The following METTL15 variants were observed in gnomAD, a reference collection of about 807,000 sequenced individuals.
METTL15 encodes 12S rRNA N(4)-cytidine methyltransferase METTL15.
Under a neutral mutation model 38.3 loss-of-function variants are expected in METTL15, and 34 were observed. The ratio of observed to expected loss-of-function variants is 0.89; its 90% CI spans 0.68 to 1.18. The LOEUF (loss-of-function observed/expected upper bound fraction) is 1.18. METTL15 is among the 50% of genes most tolerant of loss of function. The probability of loss-of-function intolerance (pLI) is 0.00; values close to 1 mark genes in which losing one functional copy is unlikely to be tolerated. For synonymous variants in METTL15, 162 were observed against 170.9 expected (o/e 0.95, Z 0.41); for missense variants, 438 against 498.4 (o/e 0.88, Z 1.15).
intron 3 of METTL15, chr11:28,122,230 TA>T (rs1852273621): frequency 1.7e-6 from 2 of 1,178,642 alleles, no homozygotes; most frequent in African/African-American, 3.3e-5. Flanking sequence ...TTATATTTTT[TA>T]TAAAATGCTT....
At chr11:28,448,158 C>G (rs1396179932) in intron 6 of METTL15, among the ~76,000 whole-genome samples, 1 of 152,160 alleles carries the variant, frequency 6.6e-6, no homozygotes, top group Non-Finnish European at 1.5e-5. Flanking sequence ...CTCTTCTTAT[C>G]TCTGGCTGGT....
chr11:28,525,797 G>A (rs759975998), intron 6 of METTL15, among the ~76,000 whole-genome samples: 40 of 152,248 alleles, frequency 2.6e-4, no homozygotes, highest in Non-Finnish European at 5.1e-4. Context: ...CCGTGCACCC[G>A]CACTCCTCAG....
At chr11:28,231,951 A>G (rs966458503) in intron 4 of METTL15, among the ~76,000 whole-genome samples, 2 of 151,984 alleles carry the variant, frequency 1.3e-5, no homozygotes, top group East Asian at 3.9e-4. Flanking sequence ...ACTCAATATC[A>G]TATGGATGGA....
chr11:28,517,267 G>T (rs1323212410), intron 6 of METTL15: 6 of 152,118 alleles, frequency 3.9e-5, no homozygotes, highest in Non-Finnish European at 8.8e-5. Flanking sequence ...CAGCTAAGGA[G>T]AGGGAATCAC....
rs551800609 is a variant in METTL15 at position 28,151,504 on chromosome 11, G to A, written c.270+37900G>A. ...TCAACCTCCCCTTCTGCCAACATGC[G>A]TTACTTCCTACTTGATAACCATATG... On this transcript the variant is annotated intron_variant, in intron 3 of 6. Coordinates refer to ENST00000407364, the MANE Select transcript of METTL15 (RefSeq NM_001113528.2). 4.6e-5 allele frequency among the ~76,000 whole-genome samples: 7 copies of A among 151,914 alleles called. No individual in the cohort carries two copies. The East Asian group carries it at 7.7e-4, about 17-fold the overall frequency.
intron 6 of METTL15, among the ~76,000 whole-genome samples, chr11:28,513,425 T>G (rs1484726702): frequency 6.6e-6 from 1 of 152,200 alleles, no homozygotes; most frequent in Non-Finnish European, 1.5e-5. Flanking sequence ...GGATGATTTC[T>G]TACAAAGCAG....
intron 5 of METTL15, among the ~76,000 whole-genome samples, chr11:28,417,392 G>A (rs1395993101): frequency 6.6e-6 from 1 of 152,120 alleles, no homozygotes; most frequent in East Asian, 1.9e-4. Flanking sequence ...TTGTCTTCCA[G>A]GTTCAATAGT....
At chr11:28,278,849 TAG>T (rs1326869603) in intron 4 of METTL15, among the ~76,000 whole-genome samples, 4 of 152,116 alleles carry the variant, frequency 2.6e-5, no homozygotes, top group Non-Finnish European at 5.9e-5. Flanking sequence ...TTGTTTGAGA[TAG>T]AGTCTTGCTC....
chr11:28,472,460 G>A lies in METTL15; in HGVS notation c.*424+48096G>A, dbSNP rs373335975. ...TTCTACCTAAGGTATTACAGGGCTA[G>A]GGAAGTTATCTGGGGTACTTCTAAA... On this transcript the variant is annotated intron_variant and NMD_transcript_variant, in intron 6 of 7. Coordinates refer to the METTL15 transcript ENST00000532947. Among the ~76,000 whole-genome samples, 84 of 152,242 alleles carry A rather than the reference G, an allele frequency of 5.5e-4. 2 individuals are homozygous for A. The East Asian group carries it at 0.014, about 26-fold the overall frequency.
At chr11:28,528,387 C>A (rs7102157), downstream of METTL15, among the ~76,000 whole-genome samples, 475 of 152,316 alleles carry the variant, frequency 3.1e-3, 1 homozygote, top group African/African-American at 0.011. Flanking sequence ...AACAGCATTT[C>A]TCCCTCAGGG....
At chr11:28,292,991 G>C (rs1054873688) in intron 5 of METTL15, among the ~76,000 whole-genome samples, 98 of 152,008 alleles carry the variant, frequency 6.4e-4, no homozygotes, top group Middle Eastern at 3.4e-3. Context: ...AAAATTTTCT[G>C]CCATTCTGTA....
intron 4 of METTL15, among the ~76,000 whole-genome samples, chr11:28,280,681 T>C (rs1177541781): frequency 1.3e-5 from 2 of 151,132 alleles, no homozygotes; most frequent in Non-Finnish European, 3.0e-5. Flanking sequence ...TTTTTTTTTT[T>C]TGTATCTTCC....
intron 3 of METTL15, among the ~76,000 whole-genome samples, chr11:28,182,929 C>T (rs936007853): frequency 6.6e-6 from 1 of 151,972 alleles, no homozygotes; most frequent in Admixed American, 6.6e-5. Context: ...TCTCTTGTTT[C>T]CTTGAGCAGT....
At chr11:28,483,439 T>A (rs1004525161) in intron 6 of METTL15, among the ~76,000 whole-genome samples, 1 of 152,226 alleles carries the variant, frequency 6.6e-6, no homozygotes, top group Admixed American at 6.5e-5. Context: ...GCCTGAGCTG[T>A]AAGCCAGGCA....
In METTL15 at chr11:28,147,168, T is replaced by G. The variant is rs542254521; in HGVS notation, c.270+33564T>G. 1.1e-4 allele frequency among the ~76,000 whole-genome samples: 17 copies of G among 152,022 alleles called. No homozygotes were observed. In the South Asian group the frequency reaches 3.1e-3, roughly 28 times the overall value. ...ACTTTATATATATTATTTTTCTAAATCCTTCCAGCATCTCTGAGATGGGAA... is the reference window on the plus strand; with the variant it reads ...ACTTTATATATATTATTTTTCTAAAGCCTTCCAGCATCTCTGAGATGGGAA... On this transcript the variant is annotated intron_variant, in intron 3 of 6. Coordinates refer to ENST00000407364, the MANE Select transcript of METTL15 (RefSeq NM_001113528.2).
intron 6 of METTL15, among the ~76,000 whole-genome samples, chr11:28,326,223 T>C (rs1294598554): frequency 3.3e-5 from 5 of 152,086 alleles, no homozygotes; most frequent in Admixed American, 2.6e-4. Flanking sequence ...TTCTGTCTTA[T>C]TAATATTTTT....
intron 3 of METTL15, among the ~76,000 whole-genome samples, chr11:28,340,177 AATG>A (rs1460016300): frequency 1.3e-5 from 2 of 152,124 alleles, no homozygotes; most frequent in African/African-American, 4.8e-5. Context: ...TCATTTTAAA[AATG>A]ATTCCAACAT....
chr11:28,277,071 C>G (rs1855871230), intron 4 of METTL15, among the ~76,000 whole-genome samples: 1 of 152,126 alleles, frequency 6.6e-6, no homozygotes, highest in African/African-American at 2.4e-5. Flanking sequence ...AATTGAAAAG[C>G]TTCTGCATAG....
intron 3 of METTL15, among the ~76,000 whole-genome samples, chr11:28,123,578 G>A (rs1373498830): frequency 7.3e-6 from 1 of 136,398 alleles, no homozygotes; most frequent in East Asian, 2.2e-4. Flanking sequence ...ATACCAGGAG[G>A]TAATATGCAT....
Sources: gnomAD v4.1 joint callset for allele counts (sites outside exome capture counted in the v4.1 genomes callset) on GRCh38, gnomAD v4.1.1 for gene constraint, MANE v1.5 for transcripts, NCBI Gene and HGNC (gene_info 2026-07-23, HGNC 2026-07-21) for gene names.